AADACL4: variants seen among roughly 807,000 people sequenced by gnomAD.
AADACL4 encodes arylacetamide deacetylase-like 4.
A neutral mutation model predicts 14.1 loss-of-function variants in AADACL4; 9 were observed. The ratio of observed to expected loss-of-function variants is 0.64; its 90% CI spans 0.39 to 1.12. AADACL4 has a LOEUF of 1.12. Ranked by LOEUF, AADACL4 falls within the 50% of genes most tolerant of loss-of-function variation. AADACL4 has a pLI of 0.01. For synonymous variants in AADACL4, 188 were observed against 201.6 expected (o/e 0.93, Z 0.57); for missense variants, 531 against 516.1 (o/e 1.03, Z -0.28).
intron 2 of AADACL4, among the ~76,000 whole-genome samples, chr1:12,652,373 T>C (rs932427629): frequency 2.6e-5 from 4 of 152,188 alleles, no homozygotes; most frequent in Non-Finnish European, 5.9e-5. Flanking sequence ...ACCCCTGTCA[T>C]TGCATGGCTG....
chr1:12,647,956 C>G (rs1647121865), intron 1 of AADACL4, among the ~76,000 whole-genome samples: 1 of 151,882 alleles, frequency 6.6e-6, no homozygotes, highest in Admixed American at 6.6e-5. Context: ...CTGTGCCCAG[C>G]CACTATCGCT....
intron 2 of AADACL4, among the ~76,000 whole-genome samples, chr1:12,651,921 C>T (rs779002122): frequency 1.1e-4 from 17 of 150,948 alleles, no homozygotes; most frequent in East Asian, 2.0e-4. Flanking sequence ...CTGCGCCTCT[C>T]GGGTTCACGC....
rs1273345106 is a variant in AADACL4, at chr1:12,644,378, C to G, written c.-169C>G. Among the ~76,000 whole-genome samples, 1 of 152,204 alleles carries G rather than the reference C, an allele frequency of 6.6e-6. No homozygotes were observed. The highest frequency in any genetic ancestry group is 1.9e-4 in the East Asian group (1 of 5,194). On this transcript the variant is annotated 5_prime_UTR_variant, in exon 1 of 4. Transcript: ENST00000376221. ...AATAGGTTCCTCCACCTCCCATTGG[C>G]CTTTTTGTGCTTACCCTGAGAAGCT...
intron 2 of AADACL4, among the ~76,000 whole-genome samples, chr1:12,659,364 A>G (rs2100766998): frequency 6.6e-6 from 1 of 152,212 alleles, no homozygotes; most frequent in East Asian, 1.9e-4. Flanking sequence ...GTCAGATTTG[A>G]CCTCAGGCTC....
At chr1:12,665,889 G>C in intron 3 of AADACL4, 72 bp from the exon 4 acceptor site, 1 of 1,454,796 alleles carries the variant, frequency 6.9e-7, no homozygotes, top group Non-Finnish European at 9.3e-7. Context: ...AGGGGGTTGA[G>C]GATTCTGTTG....
intron 1 of AADACL4, among the ~76,000 whole-genome samples, chr1:12,649,083 C>A (rs1647129764): frequency 6.6e-6 from 1 of 152,074 alleles, no homozygotes. Context: ...ACAGTAAAGC[C>A]CCAGAGGAGT....
chr1:12,664,319 T>A (rs2100770977), intron 3 of AADACL4, among the ~76,000 whole-genome samples: 1 of 152,300 alleles, frequency 6.6e-6, no homozygotes, highest in African/African-American at 2.4e-5. Flanking sequence ...AATGTGATAA[T>A]TAGAATATAC....
intron 2 of AADACL4, among the ~76,000 whole-genome samples, chr1:12,660,748 ATTC>A (rs1312483843): frequency 7.9e-5 from 12 of 151,990 alleles, no homozygotes; most frequent in African/African-American, 2.9e-4. Flanking sequence ...GGTTCAAGCA[ATTC>A]TTCTGCCTCA....
chr1:12,666,753 CGAG>C lies in AADACL4; in HGVS notation c.*24_*26del. On this transcript the variant is annotated 3_prime_UTR_variant, in exon 4 of 4. Coordinates refer to ENST00000376221, the MANE Select transcript of AADACL4 (RefSeq NM_001013630.2). ...GCATATGATAGTAACCCTGGGGCCCCGAGGAGGAAGGGGCAAGTATGGACTCTA... is the reference window on the plus strand; with the variant it reads ...GCATATGATAGTAACCCTGGGGCCCCGAGGAAGGGGCAAGTATGGACTCTA... The C allele has an allele frequency of 6.4e-7, 1 of 1,574,770 alleles. No homozygotes were observed.
chr1:12,662,723 C>T (rs1266018117), intron 3 of AADACL4, among the ~76,000 whole-genome samples: 1 of 152,140 alleles, frequency 6.6e-6, no homozygotes, highest in East Asian at 1.9e-4. Flanking sequence ...CTTAGCTGCC[C>T]CTAGGCTTTG....
At chr1:12,658,108 TTTCC>T (rs748632129) in intron 2 of AADACL4, among the ~76,000 whole-genome samples, 4,803 of 122,040 alleles carry the variant, frequency 0.039, 223 homozygotes, top group African/African-American at 0.08. Flanking sequence ...TCTCTCTTTC[TTTCC>T]TTCCTTCCTT....
intron 2 of AADACL4, among the ~76,000 whole-genome samples, chr1:12,658,123 C>CT (rs1557550818): frequency 8.4e-6 from 1 of 119,486 alleles, no homozygotes; most frequent in Non-Finnish European, 1.6e-5. Context: ...TTCCTTCCTT[C>CT]CTTCCTTCCT....
rs1190504280 is a variant in AADACL4, at chr1:12,651,362, T to C, written c.385+23T>C. Reference sequence around the variant, plus strand: ...TGGGTAAGGGGCTTCCCTGTGGCTTTGTAGAGGAAGGGCCTCATCTGCATG... The same window carrying C: ...TGGGTAAGGGGCTTCCCTGTGGCTTCGTAGAGGAAGGGCCTCATCTGCATG... On this transcript the variant is annotated intron_variant, in intron 2 of 3. Coordinates refer to ENST00000376221, the MANE Select transcript of AADACL4 (RefSeq NM_001013630.2). 3 of 1,612,294 alleles carry C rather than the reference T, an allele frequency of 1.9e-6. No individual in the cohort carries two copies. The East Asian group carries it at 6.7e-5, about 36-fold the overall frequency.
intron 3 of AADACL4, among the ~76,000 whole-genome samples, chr1:12,663,869 G>A (rs1647269648): frequency 1.3e-5 from 2 of 152,042 alleles, no homozygotes; most frequent in South Asian, 2.1e-4. Context: ...AACCTGCTTC[G>A]ATAACATTGA....
At chr1:12,650,910 A>G (rs1245287438) in intron 1 of AADACL4, among the ~76,000 whole-genome samples, 2 of 152,158 alleles carry the variant, frequency 1.3e-5, no homozygotes, top group Non-Finnish European at 2.9e-5. Flanking sequence ...TCACATCATT[A>G]TTCAATCAAG....
intron 1 of AADACL4, among the ~76,000 whole-genome samples, chr1:12,650,519 C>G (rs1168770990): frequency 1.3e-5 from 2 of 151,324 alleles, no homozygotes; most frequent in Non-Finnish European, 2.9e-5. Context: ...GTTGCCTTGG[C>G]CAACTGGCTT....
At chr1:12,659,634 C>G (rs532825528) in intron 2 of AADACL4, among the ~76,000 whole-genome samples, 31 of 152,202 alleles carry the variant, frequency 2.0e-4, no homozygotes, top group Admixed American at 1.2e-3. Flanking sequence ...AAAATAGAAG[C>G]CTGTTTATAT....
intron 1 of AADACL4, among the ~76,000 whole-genome samples, chr1:12,648,982 A>G (rs1647129274): frequency 6.6e-6 from 1 of 152,156 alleles, no homozygotes; most frequent in African/African-American, 2.4e-5. Context: ...CCTGTTCTAG[A>G]TGCTGGAGAC....
chr1:12,661,635 G>T (rs554194165), intron 2 of AADACL4, among the ~76,000 whole-genome samples, 156 bp from the exon 3 acceptor site: 3 of 152,142 alleles, frequency 2.0e-5, no homozygotes, highest in South Asian at 4.2e-4. Flanking sequence ...ATTTGGCCTG[G>T]TTTTTTGGCT....
Sources: gnomAD v4.1 joint callset for allele counts (sites outside exome capture counted in the v4.1 genomes callset) on GRCh38, gnomAD v4.1.1 for gene constraint, MANE v1.5 for transcripts, NCBI Gene and HGNC (gene_info 2026-07-23, HGNC 2026-07-21) for gene names.